Variants in WDR38 observed in about 807,000 individuals in gnomAD.
The protein encoded by WDR38 is WD repeat domain 38, also known as WD repeat-containing protein 38.
Under a neutral mutation model 36.6 loss-of-function variants are expected in WDR38, and 37 were observed. The observed-to-expected ratio is 1.01, with a 90% confidence interval of 0.78 to 1.33. WDR38 has a LOEUF of 1.33. Ranked by LOEUF, WDR38 falls within the 40% of genes most tolerant of loss-of-function variation. The pLI is 0.00. For synonymous variants in WDR38, 164 were observed against 168.1 expected (o/e 0.98, Z 0.19); for missense variants, 411 against 414.6 (o/e 0.99, Z 0.07).
Position 124,856,567 on chromosome 9 carries a change from C to A in WDR38, c.585C>A (p.Ile195=), listed in dbSNP as rs1280850505. Reference sequence around the variant, plus strand: ...CGCTAGAGGGACACAGTGCCAACATCAGCTGCCTGTGCTATTCAGCATCCG... The same window carrying A: ...CGCTAGAGGGACACAGTGCCAACATAAGCTGCCTGTGCTATTCAGCATCCG... ...HQALEGHSAN[I]SCLCYSASGL... Residue 195 remains isoleucine (I), a synonymous_variant, in exon 6 of 9, where the codon ATC becomes ATA. Transcript: ENST00000373574. The A allele has an allele frequency of 6.2e-7, 1 of 1,613,504 alleles. No individual in the cohort carries two copies. The highest frequency in any genetic ancestry group is 8.5e-7 in the Non-Finnish European group (1 of 1,179,724).
At chr9:124,854,612 G>C (rs1284696186) in intron 2 of WDR38, among the ~76,000 whole-genome samples, 10 of 152,158 alleles carry the variant, frequency 6.6e-5, no homozygotes, top group African/African-American at 2.4e-4. Context: ...GTCGCTCTCT[G>C]TCACCCAGGC....
At chr9:124,857,183 C>T (rs980005663) in intron 7 of WDR38, among the ~76,000 whole-genome samples, 181 bp from the exon 8 acceptor site, 2 of 152,120 alleles carry the variant, frequency 1.3e-5, no homozygotes, top group East Asian at 1.9e-4. Flanking sequence ...TTTTTTGGGC[C>T]GGGGGCGGTG....
rs1475956301 is a variant in WDR38, at chr9:124,853,488, C to G, written c.-44C>G. 1 of 1,214,078 alleles carries G rather than the reference C, an allele frequency of 8.2e-7. No homozygotes were observed. Among genetic ancestry groups the G allele is most frequent in the Admixed American group, 4.2e-5 (1 of 23,674 alleles). 75.2% of individuals were successfully genotyped at this position (1,214,078 alleles called of 1,614,324 possible). ...CTGCCCAGTCCTGGGGTCCCGCGGCCGCCTAGGAGGGAGCCCGCCGGGGCG... is the reference window on the plus strand; with the variant it reads ...CTGCCCAGTCCTGGGGTCCCGCGGCGGCCTAGGAGGGAGCCCGCCGGGGCG... On this transcript the variant is annotated 5_prime_UTR_variant, in exon 1 of 9. Transcript: ENST00000373574.
rs767827374 is a variant in WDR38 at position 124,856,905 on chromosome 9, C to G, written c.768+24C>G. On this transcript the variant is annotated intron_variant, in intron 7 of 8. Coordinates refer to ENST00000373574, the MANE Select transcript of WDR38 (RefSeq NM_001045476.3). ...TGGTAACCACCCCGGGCCCATCCTG[C>G]TCCTACCTACCCATCCTCACCCCAC... 3.1e-6 allele frequency: 5 copies of G among 1,612,468 alleles called. No homozygotes were observed. The South Asian group carries it at 5.5e-5, about 18-fold the overall frequency.
intron 7 of WDR38, 152 bp downstream of exon 7, chr9:124,857,033 C>T: frequency 8.4e-7 from 1 of 1,185,440 alleles, no homozygotes. Flanking sequence ...TTCCTAATGG[C>T]CAGCACCAAG....
chr9:124,853,632 G>A (rs771667782), intron 1 of WDR38, 32 bp downstream of exon 1: 9 of 1,262,808 alleles, frequency 7.1e-6, no homozygotes, highest in Non-Finnish European at 9.0e-6. Context: ...CCAGACTCCC[G>A]GCTTTGGATG....
rs1033012169 is a variant in WDR38 at position 124,855,577 on chromosome 9, T to C, written c.191-57T>C. On this transcript the variant is annotated intron_variant, in intron 2 of 8. Transcript: ENST00000373574. ...CTGGAGAAATTAGCAAGGATTGGAC[T>C]GCGTGGGCAGAAGTGGCGGGCAGTG... The C allele has an allele frequency of 5.2e-6, 8 of 1,540,990 alleles. No individual in the cohort carries two copies. In the African/African-American group the frequency reaches 9.5e-5, roughly 18 times the overall value.
rs10760381 is a variant in WDR38 at position 124,856,560 on chromosome 9, C to G, written c.578C>G (p.Ala193Gly). 1 allele frequency: 1,608,527 copies of G among 1,613,940 alleles called. 801,703 individuals carry two copies. The highest frequency in any genetic ancestry group is 1 in the East Asian group (44,869 of 44,870). ...CACCAGGCGCTAGAGGGACACAGTG[C>G]CAACATCAGCTGCCTGTGCTATTCA... ...VSHQALEGHS[A>G]NISCLCYSAS... The change falls in exon 6 of 9, where the codon GCC (alanine) becomes GGC (glycine). Residue 193 changes from alanine (A) to glycine (G), a missense_variant. By Grantham distance (60) the Ala-to-Gly change is moderately conservative (BLOSUM62 0). Coordinates refer to ENST00000373574, the MANE Select transcript of WDR38 (RefSeq NM_001045476.3).
At position 124,857,596 on chromosome 9, in the gene WDR38, G is replaced by A. The variant is rs368166491; in HGVS notation, c.911G>A (p.Arg304His). 104 of 1,613,932 alleles carry A rather than the reference G, an allele frequency of 6.4e-5. No individual in the cohort carries two copies. The Middle Eastern group carries it at 1.2e-3, about 18-fold the overall frequency. ...AADQTRRQIS[R>H]TSKSPRDPQT ...GATCAGACTAGACGTCAAATATCCC[G>A]CACGTCCAAATCACCCAGGGACCCT... The change falls in exon 9 of 9, where the codon CGC becomes CAC. Residue 304 changes from arginine (R) to histidine (H), a missense_variant. By Grantham distance (29) the Arg-to-His change is conservative (BLOSUM62 0). Coordinates refer to ENST00000373574, the MANE Select transcript of WDR38 (RefSeq NM_001045476.3).
In WDR38 at chr9:124,856,567, C is replaced by T. The variant is rs1280850505; in HGVS notation, c.585C>T (p.Ile195=). 1 of 1,613,622 alleles carries T rather than the reference C, an allele frequency of 6.2e-7. No individual in the cohort carries two copies. The highest frequency in any genetic ancestry group is 2.2e-5 in the East Asian group (1 of 44,878). ...HQALEGHSAN[I]SCLCYSASGL... ...CGCTAGAGGGACACAGTGCCAACAT[C>T]AGCTGCCTGTGCTATTCAGCATCCG... The change falls in exon 6 of 9, where the codon ATC becomes ATT. Residue 195 remains isoleucine (I), a synonymous_variant. Transcript: ENST00000373574.
At chr9:124,854,444 G>T (rs1828993765) in intron 2 of WDR38, 119 bp downstream of exon 2, 2 of 1,508,180 alleles carry the variant, frequency 1.3e-6, no homozygotes. Flanking sequence ...GGGCAGGTTG[G>T]GAGATGGGAC....
intron 1 of WDR38, 121 bp downstream of exon 1, chr9:124,853,721 A>G: frequency 1.3e-6 from 1 of 758,096 alleles, no homozygotes; most frequent in Non-Finnish European, 1.8e-6. Flanking sequence ...AGTCCAGAGT[A>G]GACTTTGCTA....
chr9:124,856,898 C>A lies in WDR38; in HGVS notation c.768+17C>A, dbSNP rs766908955. ...TCCCGCATGGTAACCACCCCGGGCCCATCCTGCTCCTACCTACCCATCCTC... is the reference window on the plus strand; with the variant it reads ...TCCCGCATGGTAACCACCCCGGGCCAATCCTGCTCCTACCTACCCATCCTC... On this transcript the variant is annotated intron_variant, in intron 7 of 8. Transcript: ENST00000373574. 2.0e-5 allele frequency: 32 copies of A among 1,612,968 alleles called. No homozygotes were observed. Among genetic ancestry groups the A allele is most frequent in the Admixed American group, 8.3e-5 (5 of 60,004 alleles).
intron 2 of WDR38, among the ~76,000 whole-genome samples, chr9:124,854,648 C>T (rs1259136683): frequency 1.3e-5 from 2 of 152,108 alleles, no homozygotes; most frequent in Admixed American, 1.3e-4. Flanking sequence ...CACTGCAACC[C>T]CCGCCTCCTG....
Position 124,857,682 on chromosome 9 carries a change from C to G in WDR38, c.*52C>G. Reference sequence around the variant, plus strand: ...CTCACCCGCTCCCCTCAGTGGCGCACAGGCATGCCGCTTCTCCCCACAGAC... The same window carrying G: ...CTCACCCGCTCCCCTCAGTGGCGCAGAGGCATGCCGCTTCTCCCCACAGAC... On this transcript the variant is annotated 3_prime_UTR_variant, in exon 9 of 9. Coordinates refer to ENST00000373574, the MANE Select transcript of WDR38 (RefSeq NM_001045476.3). 1.2e-6 allele frequency: 2 copies of G among 1,608,618 alleles called. No homozygotes were observed. Among genetic ancestry groups the G allele is most frequent in the Non-Finnish European group, 1.7e-6 (2 of 1,178,950 alleles).
In WDR38 at chr9:124,856,049, C is replaced by T. The variant is rs1427772302; in HGVS notation, c.405+91C>T. On this transcript the variant is annotated intron_variant, in intron 4 of 8. Coordinates refer to ENST00000373574, the MANE Select transcript of WDR38 (RefSeq NM_001045476.3). ...GTCTTGCCCTCCCAGCTCAAACCCTCCACTGGTTCCCATGGCCCATGCCCA... is the reference window on the plus strand; with the variant it reads ...GTCTTGCCCTCCCAGCTCAAACCCTTCACTGGTTCCCATGGCCCATGCCCA... The T allele has an allele frequency of 3.8e-6, 6 of 1,560,536 alleles. No homozygotes were observed. The East Asian group carries it at 1.2e-4, about 30-fold the overall frequency.
At chr9:124,855,535 G>A in intron 2 of WDR38, 99 bp from the exon 3 acceptor site, 2 of 1,225,434 alleles carry the variant, frequency 1.6e-6, no homozygotes, top group Non-Finnish European at 2.3e-6. Context: ...TTGGGTGAGG[G>A]GAGGCTGGCG....
chr9:124,854,118 G>A, intron 1 of WDR38, 87 bp from the exon 2 acceptor site: 1 of 1,578,060 alleles, frequency 6.3e-7, no homozygotes, highest in Non-Finnish European at 8.6e-7. Flanking sequence ...TCCAACCCCA[G>A]GCTCTTGGGG....
At chr9:124,855,780 C>A (rs1306633487) in intron 3 of WDR38, 30 bp downstream of exon 3, 2 of 1,613,212 alleles carry the variant, frequency 1.2e-6, no homozygotes, top group Non-Finnish European at 8.5e-7. Context: ...AGCAGCCAGG[C>A]CAGCGTTCCC....
Sources: gnomAD v4.1 joint callset for allele counts (sites outside exome capture counted in the v4.1 genomes callset) on GRCh38, gnomAD v4.1.1 for gene constraint, MANE v1.5 for transcripts, NCBI Gene and HGNC (gene_info 2026-07-23, HGNC 2026-07-21) for gene names.